NSUN6: variants seen among roughly 807,000 people sequenced by gnomAD.
NSUN6 encodes the protein NOP2/Sun RNA methyltransferase 6.
A neutral mutation model predicts 58.0 loss-of-function variants in NSUN6; 64 were observed. That is an observed-to-expected ratio of 1.10 (90% confidence interval 0.90 to 1.36). The LOEUF (loss-of-function observed/expected upper bound fraction) is 1.36, where lower values mean the gene tolerates loss of function less well. Among genes scored for constraint, NSUN6 ranks in the 40% most tolerant of loss-of-function variants. NSUN6 has a pLI of 0.00. For missense variants in NSUN6, 701 were observed against 550.1 expected (o/e 1.27, Z -2.74); for synonymous variants, 231 against 193.9 (o/e 1.19, Z -1.59).
chr10:18,645,430 C>T (rs1482712385), intron 2 of NSUN6, among the ~76,000 whole-genome samples: 1 of 152,172 alleles, frequency 6.6e-6, no homozygotes, highest in Non-Finnish European at 1.5e-5. Context: ...CATCCTTTAT[C>T]TCTCATTATA....
At chr10:18,635,938 A>T (rs906640876) in intron 3 of NSUN6, among the ~76,000 whole-genome samples, 3 of 151,040 alleles carry the variant, frequency 2.0e-5, no homozygotes, top group Non-Finnish European at 2.9e-5. Context: ...AAAGTTCAAT[A>T]AGTAAGAATT....
chr10:18,606,022 A>G (rs893298382), intron 6 of NSUN6, among the ~76,000 whole-genome samples: 1 of 152,216 alleles, frequency 6.6e-6, no homozygotes, highest in African/African-American at 2.4e-5. Context: ...GATGGGGGAA[A>G]AAAAGAAATT....
chr10:18,627,716 C>T (rs757785724), intron 3 of NSUN6, among the ~76,000 whole-genome samples: 5 of 152,254 alleles, frequency 3.3e-5, no homozygotes, highest in African/African-American at 7.2e-5. Context: ...GCTTAAAAAC[C>T]GGAGCACCAG....
At chr10:18,625,618 C>A (rs2058765222) in intron 3 of NSUN6, among the ~76,000 whole-genome samples, 1 of 146,034 alleles carries the variant, frequency 6.8e-6, no homozygotes, top group African/African-American at 2.5e-5. Flanking sequence ...GAGGGTGAGG[C>A]AGGAGAATCA....
At chr10:18,589,869 G>C (rs1674209286) in intron 7 of NSUN6, among the ~76,000 whole-genome samples, 1 of 152,118 alleles carries the variant, frequency 6.6e-6, no homozygotes, top group African/African-American at 2.4e-5. Flanking sequence ...AAAATAACAA[G>C]CTAGCATCAT....
chr10:18,576,816 C>T (rs1310128952), intron 8 of NSUN6, among the ~76,000 whole-genome samples: 2 of 152,148 alleles, frequency 1.3e-5, no homozygotes, highest in East Asian at 1.9e-4. Context: ...GATACTCTGC[C>T]AAGTAACTGG....
chr10:18,590,306 T>C (rs1028040942), intron 7 of NSUN6, among the ~76,000 whole-genome samples: 5 of 152,112 alleles, frequency 3.3e-5, no homozygotes, highest in Admixed American at 6.5e-5. Context: ...CACACAATAA[T>C]AGTGGGAGAC....
chr10:18,634,424 G>A (rs182181035), intron 3 of NSUN6, among the ~76,000 whole-genome samples: 2 of 152,200 alleles, frequency 1.3e-5, no homozygotes, highest in East Asian at 1.9e-4. Context: ...ATTGACAAGA[G>A]AGCCACTTTG....
chr10:18,651,990 C>G (rs1014742584), upstream of NSUN6: 1 of 985,228 alleles, frequency 1.0e-6, no homozygotes, highest in African/African-American at 1.7e-5. Flanking sequence ...CATCAGCCAC[C>G]GTTTGATTTC....
At chr10:18,614,302 A>G (rs2058335129) in intron 5 of NSUN6, among the ~76,000 whole-genome samples, 158 bp downstream of exon 5, 1 of 151,932 alleles carries the variant, frequency 6.6e-6, no homozygotes, top group Non-Finnish European at 1.5e-5. Context: ...TTTTGACCAA[A>G]CATCATGGAA....
In NSUN6 at chr10:18,596,199, C is replaced by T. The variant is rs764840382; in HGVS notation, c.777+9G>A. Reference sequence around the variant, plus strand: ...TTTGAGAGTGGATTTGCTGTGAAGACAGTCTCACCTGATCATGCATTAGTG... The same window carrying T: ...TTTGAGAGTGGATTTGCTGTGAAGATAGTCTCACCTGATCATGCATTAGTG... On this transcript the variant is annotated intron_variant, in intron 7 of 10. Coordinates refer to ENST00000377304, the MANE Select transcript of NSUN6 (RefSeq NM_182543.5). The T allele has an allele frequency of 1.9e-6, 3 of 1,607,828 alleles. No individual in the cohort carries two copies. Among genetic ancestry groups the T allele is most frequent in the African/African-American group, 1.3e-5 (1 of 74,766 alleles).
At chr10:18,624,965 G>A (rs891305824) in intron 3 of NSUN6, among the ~76,000 whole-genome samples, 5 of 152,140 alleles carry the variant, frequency 3.3e-5, no homozygotes, top group Admixed American at 1.3e-4. Flanking sequence ...TACATGCTAC[G>A]CAGAGGGTGC....
chr10:18,628,975 A>T (rs1453654593), intron 3 of NSUN6, among the ~76,000 whole-genome samples: 4 of 152,194 alleles, frequency 2.6e-5, no homozygotes, highest in Non-Finnish European at 5.9e-5. Flanking sequence ...AGTTGAAATG[A>T]AGGAAAAAAT....
At chr10:18,640,197 A>G (rs1324915055) in intron 3 of NSUN6, among the ~76,000 whole-genome samples, 1 of 152,234 alleles carries the variant, frequency 6.6e-6, no homozygotes. Flanking sequence ...TTTTCTAAAA[A>G]TGAGTACACA....
chr10:18,558,707 G>C, intron 8 of NSUN6, among the ~76,000 whole-genome samples: 1 of 147,414 alleles, frequency 6.8e-6, no homozygotes, highest in Non-Finnish European at 1.5e-5. Flanking sequence ...GGAAGGAATG[G>C]AATTGAAAGT....
intron 6 of NSUN6, among the ~76,000 whole-genome samples, chr10:18,604,212 T>C (rs1173429830): frequency 6.6e-6 from 1 of 152,112 alleles, no homozygotes; most frequent in Non-Finnish European, 1.5e-5. Context: ...GAAGTATCAC[T>C]TACAAGTGAT....
At chr10:18,657,305 T>C (rs921162574), upstream of NSUN6, among the ~76,000 whole-genome samples, 3 of 152,326 alleles carry the variant, frequency 2.0e-5, no homozygotes, top group South Asian at 4.1e-4. Context: ...AACAAAACTT[T>C]TAAATATGAA....
At chr10:18,598,485 C>G (rs1487135269) in intron 6 of NSUN6, among the ~76,000 whole-genome samples, 2 of 152,152 alleles carry the variant, frequency 1.3e-5, no homozygotes, top group African/African-American at 4.8e-5. Context: ...GCTCTGTTAC[C>G]CAGGCTGTCC....
chr10:18,627,559 G>A (rs533948860), intron 3 of NSUN6, among the ~76,000 whole-genome samples: 2 of 152,310 alleles, frequency 1.3e-5, no homozygotes, highest in South Asian at 2.1e-4. Flanking sequence ...TGCGCGCACC[G>A]TGCCCGAGCC....
Sources: allele counts gnomAD v4.1 joint callset (sites outside exome capture counted in the v4.1 genomes callset), GRCh38; gene constraint gnomAD v4.1.1; transcripts MANE v1.5; gene names NCBI Gene and HGNC (gene_info 2026-07-23, HGNC 2026-07-21).